The following DPP10 variants were observed in gnomAD, a reference collection of about 807,000 sequenced individuals.
The protein encoded by DPP10 is dipeptidyl peptidase like 10.
DPP10 carries 33 observed loss-of-function variants against 120.9 expected under a neutral mutation model. The observed-to-expected ratio is 0.27, with a 90% CI of 0.21 to 0.37. The LOEUF (loss-of-function observed/expected upper bound fraction) is 0.37, where lower values mean the gene tolerates loss of function less well. DPP10 is among the 10% of genes least tolerant of loss of function. DPP10 has a pLI of 1.00. For missense variants in DPP10, 816 were observed against 942.8 expected (o/e 0.87, Z 1.76); for synonymous variants, 337 against 326.1 (o/e 1.03, Z -0.36).
At chr2:115,292,814 G>A (rs763319346) in intron 1 of DPP10, among the ~76,000 whole-genome samples, 1 of 152,040 alleles carries the variant, frequency 6.6e-6, no homozygotes, top group Non-Finnish European at 1.5e-5. Context: ...TTGTCCCATG[G>A]CATATTAGGA....
chr2:114,790,917 C>T (rs953628188), intron 1 of DPP10, among the ~76,000 whole-genome samples: 4 of 151,954 alleles, frequency 2.6e-5, no homozygotes, highest in African/African-American at 9.7e-5. Flanking sequence ...GGCTCAGAGG[C>T]CTGACAATTC....
At position 115,511,900 on chromosome 2, in the gene DPP10, T is replaced by A. The variant is rs181630057; in HGVS notation, c.366+12296T>A. Among the ~76,000 whole-genome samples the A allele has an allele frequency of 1.7e-3, 265 of 151,452 alleles. 1 individual carries two copies. The highest frequency in any genetic ancestry group is 0.01 in the Middle Eastern group (3 of 294). The stretch of plus-strand genomic sequence containing the variant: ...TGCCACCATTCCCAGCTAATTTTTT[T>A]AAAAAAAGTTTTGTCACACTGTGGT... On this transcript the variant is annotated intron_variant, in intron 4 of 25. Coordinates refer to ENST00000410059, the MANE Select transcript of DPP10 (RefSeq NM_020868.6).
intron 1 of DPP10, among the ~76,000 whole-genome samples, chr2:114,465,015 C>T (rs1053646470): frequency 7.2e-5 from 11 of 152,190 alleles, no homozygotes; most frequent in Non-Finnish European, 1.3e-4. Context: ...ACAGAAGTCT[C>T]TAACCATCTT....
At chr2:115,436,592 A>G (rs1014791627) in intron 3 of DPP10, among the ~76,000 whole-genome samples, 9 of 151,868 alleles carry the variant, frequency 5.9e-5, no homozygotes, top group African/African-American at 1.9e-4. Flanking sequence ...ATAATCAATC[A>G]ACCACTTTTA....
At chr2:114,837,552 T>C (rs1397097329) in intron 1 of DPP10, among the ~76,000 whole-genome samples, 2 of 151,988 alleles carry the variant, frequency 1.3e-5, no homozygotes, top group Non-Finnish European at 2.9e-5. Flanking sequence ...GCTTTAACTG[T>C]GCTTATACAA....
intron 7 of DPP10, among the ~76,000 whole-genome samples, chr2:115,691,761 T>G (rs1192654709): frequency 2.0e-5 from 3 of 152,138 alleles, no homozygotes; most frequent in African/African-American, 7.2e-5. Context: ...TTTTGGGAAA[T>G]TAACATCTTA....
At position 115,224,411 on chromosome 2, in the gene DPP10, A is replaced by C. The variant is rs1362578767; in HGVS notation, c.61-84828A>C. 2.6e-5 allele frequency among the ~76,000 whole-genome samples: 4 copies of C among 152,282 alleles called. No homozygotes were observed. In the East Asian group the frequency reaches 5.8e-4, roughly 22 times the overall value. ...TGTGAATGTAGGATAAAGTTGAATC[A>C]GAAAAAGGAATATTAAAAATTTGCT... On this transcript the variant is annotated intron_variant, in intron 1 of 25. Coordinates refer to ENST00000410059, the MANE Select transcript of DPP10 (RefSeq NM_020868.6).
chr2:114,885,591 T>A (rs944321269), intron 1 of DPP10, among the ~76,000 whole-genome samples: 7 of 152,234 alleles, frequency 4.6e-5, no homozygotes, highest in Non-Finnish European at 8.8e-5. Flanking sequence ...ACACACTCAG[T>A]GTAACATGGC....
At position 115,738,217 on chromosome 2, in the gene DPP10, A is replaced by G. The variant is rs527537099; in HGVS notation, c.698-1522A>G. ...GTATTGCAGCCGTGTACCCGTTCCTATGTTCTCTTGGACTGTGGCCATAGT... is the reference window on the plus strand; with the variant it reads ...GTATTGCAGCCGTGTACCCGTTCCTGTGTTCTCTTGGACTGTGGCCATAGT... On this transcript the variant is annotated intron_variant, in intron 8 of 25. Coordinates refer to ENST00000410059, the MANE Select transcript of DPP10 (RefSeq NM_020868.6). 1.6e-3 allele frequency among the ~76,000 whole-genome samples: 250 copies of G among 152,156 alleles called. 1 individual carries two copies. Among genetic ancestry groups the G allele is most frequent in the Middle Eastern group, 6.8e-3 (2 of 292 alleles).
At chr2:115,039,966 A>G (rs1202205078) in intron 1 of DPP10, among the ~76,000 whole-genome samples, 4 of 152,024 alleles carry the variant, frequency 2.6e-5, no homozygotes, top group African/African-American at 7.2e-5. Context: ...AGACTAAGGG[A>G]AAAAAATGTG....
intron 1 of DPP10, among the ~76,000 whole-genome samples, chr2:114,716,341 C>G (rs1701345354): frequency 6.6e-6 from 1 of 152,176 alleles, no homozygotes; most frequent in Admixed American, 6.5e-5. Context: ...AAACACTATT[C>G]CATGTGAAGA....
chr2:114,776,352 A>G (rs945408412), intron 1 of DPP10, among the ~76,000 whole-genome samples: 3 of 152,094 alleles, frequency 2.0e-5, no homozygotes, highest in Non-Finnish European at 2.9e-5. Context: ...TGAACACACT[A>G]TCTCCTCTGC....
intron 3 of DPP10, among the ~76,000 whole-genome samples, chr2:115,366,543 A>G (rs578056570): frequency 1.2e-4 from 19 of 152,122 alleles, no homozygotes; most frequent in Non-Finnish European, 2.2e-4. Context: ...AAAAATATCT[A>G]GTCTTCCAAA....
At chr2:115,110,700 T>C (rs2049171471) in intron 1 of DPP10, among the ~76,000 whole-genome samples, 1 of 152,048 alleles carries the variant, frequency 6.6e-6, no homozygotes, top group South Asian at 2.1e-4. Context: ...CTCTGAATAG[T>C]CTTTCTTTTC....
chr2:115,534,583 G>GT (rs1438652369), intron 5 of DPP10, among the ~76,000 whole-genome samples: 1 of 151,998 alleles, frequency 6.6e-6, no homozygotes, highest in Non-Finnish European at 1.5e-5. Flanking sequence ...GTGTGCATGT[G>GT]TCTTTATAGC....
At chr2:115,455,992 C>G (rs541940976) in intron 3 of DPP10, among the ~76,000 whole-genome samples, 121 of 152,262 alleles carry the variant, frequency 7.9e-4, no homozygotes, top group African/African-American at 2.9e-3. Flanking sequence ...TAAAGAGTTT[C>G]TGCACAGCAA....
chr2:115,711,665 G>T (rs969818018), intron 7 of DPP10, among the ~76,000 whole-genome samples: 1 of 152,098 alleles, frequency 6.6e-6, no homozygotes, highest in Non-Finnish European at 1.5e-5. Context: ...ACAAGGCAAT[G>T]TGAGGAGGCC....
intron 3 of DPP10, among the ~76,000 whole-genome samples, chr2:115,344,280 T>C (rs2063604897): frequency 6.6e-6 from 1 of 152,226 alleles, no homozygotes; most frequent in Admixed American, 6.5e-5. Flanking sequence ...AATAAATTAT[T>C]TGGCAAACAT....
rs774793577 is a variant in DPP10, at chr2:115,836,685, G to A, written c.2121G>A (p.Val707=). ...KEESTYQAAS[V]LHNVHGLKEE... ...ATTTTCCTTTATAGGCAGCCAGTGTGCTACATAATGTTCATGGCTTGAAAG... is the reference window on the plus strand; with the variant it reads ...ATTTTCCTTTATAGGCAGCCAGTGTACTACATAATGTTCATGGCTTGAAAG... Residue 707 remains valine, a synonymous_variant, in exon 24 of 26, where the codon GTG becomes GTA. Coordinates refer to ENST00000410059, the MANE Select transcript of DPP10 (RefSeq NM_020868.6). The A allele has an allele frequency of 3.7e-6, 6 of 1,613,458 alleles. No homozygotes were observed. In the South Asian group the frequency reaches 6.6e-5, roughly 18 times the overall value.
Sources: gnomAD v4.1 joint callset for allele counts (sites outside exome capture counted in the v4.1 genomes callset) on GRCh38, gnomAD v4.1.1 for gene constraint, MANE v1.5 for transcripts, NCBI Gene and HGNC (gene_info 2026-07-23, HGNC 2026-07-21) for gene names.